Variants in FANCC observed in about 807,000 individuals in gnomAD.
FANCC encodes the protein Fanconi anemia group C protein.
Under a neutral mutation model 71.3 loss-of-function variants are expected in FANCC, and 55 were observed. The ratio of observed to expected loss-of-function variants is 0.77; its 90% confidence interval spans 0.62 to 0.97. FANCC has a LOEUF of 0.97. Ranked by LOEUF, FANCC falls within the 50% of genes least tolerant of loss-of-function variation. FANCC has a pLI of 0.00. For synonymous variants in FANCC, 275 were observed against 244.9 expected, an observed-to-expected ratio of 1.12 and a Z score of -1.15; for missense variants, 678 against 670.9, an observed-to-expected ratio of 1.01 and a Z score of -0.12.
At chr9:95,165,064 G>A (rs1046821217) in intron 6 of FANCC, among the ~76,000 whole-genome samples, 2 of 151,524 alleles carry the variant, frequency 1.3e-5, no homozygotes, top group East Asian at 3.9e-4. Flanking sequence ...CAATTTGTTG[G>A]TATATAATTG....
chr9:95,179,684 T>C (rs1328329367), intron 4 of FANCC, among the ~76,000 whole-genome samples: 2 of 152,172 alleles, frequency 1.3e-5, no homozygotes, highest in Admixed American at 6.5e-5. Context: ...GTTATATGGG[T>C]GTACTGATTT....
chr9:95,148,802 AT>A (rs1829905519), intron 7 of FANCC, among the ~76,000 whole-genome samples: 2 of 152,262 alleles, frequency 1.3e-5, no homozygotes, highest in Non-Finnish European at 2.9e-5. Flanking sequence ...GTTAACTGAC[AT>A]AATTTCAGAT....
chr9:95,264,981 C>CTTTTTTTTTT (rs58211170), intron 1 of FANCC, among the ~76,000 whole-genome samples: 1 of 132,868 alleles, frequency 7.5e-6, no homozygotes, highest in Non-Finnish European at 1.6e-5. Flanking sequence ...GTGTTTGTGG[C>CTTTTTTTTTT]TTTTTTTTTT....
chr9:95,224,553 G>A (rs1829491524), intron 4 of FANCC, among the ~76,000 whole-genome samples: 1 of 150,390 alleles, frequency 6.6e-6, no homozygotes, highest in African/African-American at 2.4e-5. Flanking sequence ...ACACTGTTGT[G>A]CAACAGATCT....
At chr9:95,274,690 G>A (rs1374105196) in intron 1 of FANCC, among the ~76,000 whole-genome samples, 2 of 152,176 alleles carry the variant, frequency 1.3e-5, no homozygotes, top group East Asian at 1.9e-4. Context: ...TAGCTCCAGT[G>A]TCTAGAACAA....
chr9:95,167,136 A>T (rs1354487827), intron 6 of FANCC, among the ~76,000 whole-genome samples: 1 of 152,136 alleles, frequency 6.6e-6, no homozygotes, highest in Non-Finnish European at 1.5e-5. Flanking sequence ...TGAATGTATC[A>T]TCCCACTCCT....
At chr9:95,229,483 A>T (rs552571287) in intron 4 of FANCC, among the ~76,000 whole-genome samples, 19 of 152,132 alleles carry the variant, frequency 1.2e-4, no homozygotes, top group Admixed American at 8.5e-4. Flanking sequence ...GGATTGATAG[A>T]CTTGAGGTGA....
intron 8 of FANCC, among the ~76,000 whole-genome samples, chr9:95,134,291 G>C (rs1827324893): frequency 6.6e-6 from 1 of 152,206 alleles, no homozygotes; most frequent in Admixed American, 6.5e-5. Context: ...AGTCCCAACT[G>C]AACTAAACAA....
At chr9:95,105,604 A>G (rs1039734211) in intron 14 of FANCC, among the ~76,000 whole-genome samples, 1 of 152,158 alleles carries the variant, frequency 6.6e-6, no homozygotes, top group Non-Finnish European at 1.5e-5. Context: ...CACAGCCATC[A>G]GCACTGGCCG....
chr9:95,129,127 T>C (rs1192039133), intron 8 of FANCC, among the ~76,000 whole-genome samples: 1 of 152,034 alleles, frequency 6.6e-6, no homozygotes, highest in East Asian at 1.9e-4. Flanking sequence ...GGTCTCGATC[T>C]CCTGACCTCA....
chr9:95,242,403 T>C (rs1305235671), intron 3 of FANCC, among the ~76,000 whole-genome samples: 1 of 146,820 alleles, frequency 6.8e-6, no homozygotes, highest in African/African-American at 2.5e-5. Flanking sequence ...TCCAATGGCA[T>C]CCTTACGCAT....
chr9:95,124,378 G>A (rs369769715), intron 10 of FANCC, among the ~76,000 whole-genome samples: 2 of 152,132 alleles, frequency 1.3e-5, no homozygotes, highest in Non-Finnish European at 2.9e-5. Flanking sequence ...GTGAAAGCTC[G>A]CTGGTAGCAA....
chr9:95,270,573 C>T (rs1434071536), intron 1 of FANCC, among the ~76,000 whole-genome samples: 1 of 152,248 alleles, frequency 6.6e-6, no homozygotes, highest in Non-Finnish European at 1.5e-5. Flanking sequence ...TCTACTAATG[C>T]CGCATGGCAA....
chr9:95,264,953 A>G (rs1832297571), intron 1 of FANCC, among the ~76,000 whole-genome samples: 1 of 149,722 alleles, frequency 6.7e-6, no homozygotes, highest in African/African-American at 2.4e-5. Flanking sequence ...ACAGGGTAAG[A>G]CTGGTCAATT....
At chr9:95,112,586 G>C (rs1300793619) in intron 12 of FANCC, among the ~76,000 whole-genome samples, 2 of 152,242 alleles carry the variant, frequency 1.3e-5, no homozygotes, top group Non-Finnish European at 2.9e-5. Flanking sequence ...GGCTGGGTTA[G>C]GCTGTACCAG....
At chr9:95,260,547 G>C (rs899311341) in intron 1 of FANCC, among the ~76,000 whole-genome samples, 2 of 152,002 alleles carry the variant, frequency 1.3e-5, no homozygotes, top group Admixed American at 6.6e-5. Context: ...CAGGGGGTTG[G>C]GGGACTAGGA....
intron 4 of FANCC, among the ~76,000 whole-genome samples, chr9:95,217,194 C>T (rs890614921): frequency 1.3e-5 from 2 of 152,072 alleles, no homozygotes; most frequent in Non-Finnish European, 1.5e-5. Flanking sequence ...AATTTAAAAA[C>T]ACATTTCTAG....
intron 4 of FANCC, among the ~76,000 whole-genome samples, chr9:95,237,050 T>C (rs1208921150): frequency 6.6e-6 from 1 of 152,236 alleles, no homozygotes; most frequent in Non-Finnish European, 1.5e-5. Context: ...ATGGGCAATG[T>C]AATTAGCTTT....
At chr9:95,145,968 A>AT (rs921226044) in intron 7 of FANCC, among the ~76,000 whole-genome samples, 20 of 95,468 alleles carry the variant, frequency 2.1e-4, no homozygotes, top group Admixed American at 9.7e-4. Context: ...CTGATTCTTT[A>AT]TTTTTTTTTA....
Sources: gnomAD v4.1 joint callset for allele counts (sites outside exome capture counted in the v4.1 genomes callset) on GRCh38, gnomAD v4.1.1 for gene constraint, MANE v1.5 for transcripts, NCBI Gene and HGNC (gene_info 2026-07-23, HGNC 2026-07-21) for gene names.